Variants in MVB12B observed in about 807,000 individuals in gnomAD.
MVB12B encodes the protein ESCRT-I complex subunit MVB12B.
A neutral mutation model predicts 41.6 loss-of-function variants in MVB12B; 16 were observed. That is an observed-to-expected ratio of 0.38 (90% CI 0.26 to 0.58). The LOEUF is 0.58. Among genes scored for constraint, MVB12B ranks in the 20% least tolerant of loss-of-function variants. The probability of loss-of-function intolerance (pLI) is 0.62; values close to 1 mark genes in which losing one functional copy is unlikely to be tolerated. For missense variants in MVB12B, 274 were observed against 380.2 expected (o/e 0.72, Z 2.32); for synonymous variants, 133 against 139.7 (o/e 0.95, Z 0.34).
intron 9 of MVB12B, among the ~76,000 whole-genome samples, chr9:126,498,103 A>G (rs1453966945): frequency 1.3e-5 from 2 of 152,190 alleles, no homozygotes; most frequent in Non-Finnish European, 2.9e-5. Flanking sequence ...GCAGCGTTTC[A>G]GAAGCCAGGG....
intron 9 of MVB12B, among the ~76,000 whole-genome samples, chr9:126,499,619 G>C (rs1195214138): frequency 2.0e-5 from 3 of 152,200 alleles, no homozygotes; most frequent in Non-Finnish European, 4.4e-5. Context: ...CGGGAGGAGC[G>C]GGCAGGGACC....
In MVB12B at chr9:126,392,423, G is replaced by A. The variant is rs533864489; in HGVS notation, c.539+228G>A. 2.6e-5 allele frequency among the ~76,000 whole-genome samples: 4 copies of A among 152,260 alleles called. No homozygotes were observed. Among genetic ancestry groups the A allele is most frequent in the South Asian group, 4.1e-4 (2 of 4,830 alleles). On this transcript the variant is annotated intron_variant, in intron 5 of 9. Coordinates refer to ENST00000361171, the MANE Select transcript of MVB12B (RefSeq NM_033446.3). The surrounding 1 kb of genome is among the most constrained non-coding windows in gnomAD (Gnocchi z 4.8). ...GGCCTTTCCTCCCCTGCCCTTCTGC[G>A]CATTCAGCCTTGAAGCTCCTCTGGG... is the stretch of plus-strand genomic sequence containing the variant.
intron 9 of MVB12B, among the ~76,000 whole-genome samples, chr9:126,489,181 T>G (rs559553648): frequency 1.3e-3 from 202 of 152,324 alleles, no homozygotes; most frequent in African/African-American, 4.7e-3. Context: ...GATGCCGGTG[T>G]CTGCAGGGAC....
chr9:126,427,383 C>A (rs1333828312), intron 7 of MVB12B, among the ~76,000 whole-genome samples: 2 of 152,104 alleles, frequency 1.3e-5, no homozygotes, highest in East Asian at 1.9e-4. Context: ...ACCCCCTGCC[C>A]AAACCTGCTG....
chr9:126,366,245 C>T (rs1830178483), intron 2 of MVB12B, among the ~76,000 whole-genome samples: 1 of 152,052 alleles, frequency 6.6e-6, no homozygotes, highest in South Asian at 2.1e-4. Flanking sequence ...TCCCCACTCA[C>T]CCCTCAATTC....
intron 6 of MVB12B, among the ~76,000 whole-genome samples, chr9:126,418,064 G>A (rs147947817): frequency 3.2e-4 from 48 of 152,298 alleles, no homozygotes; most frequent in Non-Finnish European, 6.5e-4. Context: ...AGGTGGGCTG[G>A]TGTGCCGGGG....
chr9:126,481,354 TTTC>T lies in MVB12B; in HGVS notation c.758-9_758-7del, dbSNP rs748193622. On this transcript the variant is annotated splice_polypyrimidine_tract_variant and intron_variant, in intron 7 of 9. Transcript: ENST00000361171. ...CAATACCTTTAATGCCATCTTTTTT[TTTC>T]TTCTTTTGCAGCAATGGATGGTGTG... 3.1e-6 allele frequency: 5 copies of T among 1,610,852 alleles called. No individual in the cohort carries two copies. Among genetic ancestry groups the T allele is most frequent in the East Asian group, 4.5e-5 (2 of 44,890 alleles).
chr9:126,327,968 G>A (rs1003791725), intron 1 of MVB12B, among the ~76,000 whole-genome samples: 1 of 152,150 alleles, frequency 6.6e-6, no homozygotes, highest in African/African-American at 2.4e-5. Context: ...TTTGTCTCTC[G>A]TGGTTCCTTC....
intron 7 of MVB12B, among the ~76,000 whole-genome samples, chr9:126,449,105 G>C (rs1173753892): frequency 6.6e-6 from 1 of 152,106 alleles, no homozygotes; most frequent in Non-Finnish European, 1.5e-5. Context: ...CCTTGCACCT[G>C]TCTCTCAAGG....
chr9:126,489,288 A>G (rs1833682944), intron 9 of MVB12B, among the ~76,000 whole-genome samples: 1 of 152,204 alleles, frequency 6.6e-6, no homozygotes, highest in Admixed American at 6.5e-5. Context: ...GCCCTGGGGC[A>G]TGTTCCCAGG....
chr9:126,493,337 C>T (rs1400475305), intron 9 of MVB12B, among the ~76,000 whole-genome samples: 4 of 152,150 alleles, frequency 2.6e-5, no homozygotes, highest in African/African-American at 9.7e-5. Context: ...CTCTTAAATG[C>T]CACTTTTATC....
At chr9:126,400,397 A>T (rs1224506514) in intron 6 of MVB12B, among the ~76,000 whole-genome samples, 2 of 152,150 alleles carry the variant, frequency 1.3e-5, no homozygotes, top group Non-Finnish European at 2.9e-5. Flanking sequence ...CAAGAAGCTG[A>T]CCTGAGGGGT....
intron 7 of MVB12B, among the ~76,000 whole-genome samples, chr9:126,452,616 G>GT (rs1194046207): frequency 6.6e-6 from 1 of 152,178 alleles, no homozygotes; most frequent in Non-Finnish European, 1.5e-5. Flanking sequence ...TTCTCAGTTA[G>GT]TAAGTGAGAA....
intron 7 of MVB12B, among the ~76,000 whole-genome samples, chr9:126,447,263 T>G (rs964282625): frequency 6.6e-6 from 1 of 151,174 alleles, no homozygotes; most frequent in Admixed American, 6.6e-5. Context: ...TTTTTTTTTT[T>G]TAACTTTCTA....
intron 7 of MVB12B, among the ~76,000 whole-genome samples, chr9:126,449,635 GC>G (rs1396323553): frequency 6.6e-6 from 1 of 152,204 alleles, no homozygotes; most frequent in Non-Finnish European, 1.5e-5. Context: ...GCTGGCCTGG[GC>G]CCAGTATGTT....
rs1218578712 is a variant in MVB12B at position 126,392,113 on chromosome 9, C to T, written c.457C>T (p.Arg153Trp). The T allele has an allele frequency of 1.6e-5, 26 of 1,614,072 alleles. No homozygotes were observed. Among genetic ancestry groups the T allele is most frequent in the Middle Eastern group, 1.6e-4 (1 of 6,084 alleles). Residue 153 changes from arginine to tryptophan, a missense_variant, in exon 5 of 10, where the codon CGG becomes TGG. Arg to Trp is a moderately radical substitution (Grantham distance 101). Transcript: ENST00000361171. This position sits in a 1 kb window ranked among gnomAD's most constrained non-coding sequence, Gnocchi z 4.8. ...KKRLCIKFIPRDSTEAAICDI... is the reference protein window; with the variant it reads ...KKRLCIKFIPWDSTEAAICDI... Reference sequence around the variant, plus strand: ...GAGGCTGTGCATTAAATTTATTCCACGGGATTCAACGGAAGCTGCGATTTG... The same window carrying T: ...GAGGCTGTGCATTAAATTTATTCCATGGGATTCAACGGAAGCTGCGATTTG...
chr9:126,439,274 G>A (rs1343432330), intron 7 of MVB12B, among the ~76,000 whole-genome samples: 1 of 151,292 alleles, frequency 6.6e-6, no homozygotes, highest in Non-Finnish European at 1.5e-5. Flanking sequence ...TCCGCTGGGG[G>A]TGGGGGCGCT....
intron 9 of MVB12B, among the ~76,000 whole-genome samples, chr9:126,487,287 C>T (rs1042888284): frequency 1.3e-5 from 2 of 152,198 alleles, no homozygotes; most frequent in African/African-American, 4.8e-5. Context: ...CTGGCTGCCA[C>T]TGTCATCACA....
chr9:126,413,849 T>TGTGTGTGTGTGTGCGTGC (rs1554776184), intron 6 of MVB12B, among the ~76,000 whole-genome samples: 1 of 148,516 alleles, frequency 6.7e-6, no homozygotes, highest in Admixed American at 6.7e-5. Flanking sequence ...TGTGTGTGTG[T>TGTGTGTGTGTGTGCGTGC]GTGTATAAGG....
Sources: gnomAD v4.1 joint callset for allele counts (sites outside exome capture counted in the v4.1 genomes callset) on GRCh38, gnomAD v4.1.1 for gene constraint, Gnocchi (gnomAD v3.1) non-coding constraint, MANE v1.5 for transcripts, NCBI Gene and HGNC (gene_info 2026-07-23, HGNC 2026-07-21) for gene names.